Variants in TMEM132D observed in about 807,000 individuals in gnomAD.
TMEM132D encodes transmembrane protein 132D.
TMEM132D carries 21 observed loss-of-function variants against 62.3 expected under a neutral mutation model. The observed-to-expected ratio is 0.34, with a 90% CI of 0.24 to 0.49. The LOEUF (loss-of-function observed/expected upper bound fraction) is 0.49, where lower values mean the gene tolerates loss of function less well. Among genes scored for constraint, TMEM132D ranks in the 20% least tolerant of loss-of-function variants. TMEM132D has a pLI of 0.99. For missense variants in TMEM132D, 1,346 were observed against 1,402.8 expected (o/e 0.96, Z 0.65); for synonymous variants, 621 against 575.6 (o/e 1.08, Z -1.13).
chr12:129,191,014 C>T (rs1031247064), intron 5 of TMEM132D, among the ~76,000 whole-genome samples: 3 of 152,162 alleles, frequency 2.0e-5, no homozygotes, highest in South Asian at 2.1e-4. Context: ...CTTCCAGACC[C>T]GGCTCCAGAC....
chr12:129,338,384 G>A (rs1002614245), intron 3 of TMEM132D, among the ~76,000 whole-genome samples: 2 of 152,194 alleles, frequency 1.3e-5, no homozygotes, highest in East Asian at 1.9e-4. Flanking sequence ...CAGATATTAC[G>A]TGGAGATGGG....
intron 1 of TMEM132D, among the ~76,000 whole-genome samples, chr12:129,748,350 G>GA (rs1869885138): frequency 6.6e-6 from 1 of 152,196 alleles, no homozygotes; most frequent in Non-Finnish European, 1.5e-5. Flanking sequence ...AATTTGGACG[G>GA]AGAATGAGAC....
At chr12:129,769,263 T>A (rs1440306103) in intron 1 of TMEM132D, among the ~76,000 whole-genome samples, 3 of 152,082 alleles carry the variant, frequency 2.0e-5, no homozygotes, top group Non-Finnish European at 4.4e-5. Flanking sequence ...GACTCACAGT[T>A]CCACATGGCT....
At chr12:129,537,733 G>A (rs1042177408) in intron 2 of TMEM132D, among the ~76,000 whole-genome samples, 8 of 152,212 alleles carry the variant, frequency 5.3e-5, no homozygotes, top group African/African-American at 1.9e-4. Flanking sequence ...AAGAGGAATT[G>A]GTTCACAGAA....
intron 1 of TMEM132D, among the ~76,000 whole-genome samples, chr12:129,882,137 T>C (rs933782205): frequency 4.6e-5 from 7 of 152,054 alleles, no homozygotes; most frequent in Non-Finnish European, 2.9e-5. Flanking sequence ...TACAATTTAA[T>C]AGCTTCTGAA....
chr12:129,435,697 C>T (rs1460969647), intron 3 of TMEM132D, among the ~76,000 whole-genome samples: 1 of 152,196 alleles, frequency 6.6e-6, no homozygotes, highest in African/African-American at 2.4e-5. Context: ...ATTCTCCATG[C>T]TTCTTAACCT....
chr12:129,210,024 T>C, intron 4 of TMEM132D: 1 of 191,740 alleles, frequency 5.2e-6, no homozygotes, highest in Non-Finnish European at 1.1e-5. Context: ...ACAAACATTC[T>C]TCTTCTTCCC....
At chr12:129,501,986 C>T (rs117042396) in intron 3 of TMEM132D, among the ~76,000 whole-genome samples, 129 of 142,048 alleles carry the variant, frequency 9.1e-4, no homozygotes, top group Non-Finnish European at 1.6e-3. Context: ...ATACCCATTC[C>T]CAATTTCTGT....
intron 1 of TMEM132D, chr12:129,853,670 A>G (rs992348932): frequency 2.6e-5 from 4 of 152,122 alleles, no homozygotes; most frequent in Non-Finnish European, 5.9e-5. Flanking sequence ...TGTAGGGCCA[A>G]CGTGCTCTCT....
chr12:129,637,829 AG>A (rs1029933968), intron 2 of TMEM132D, among the ~76,000 whole-genome samples: 1 of 152,048 alleles, frequency 6.6e-6, no homozygotes, highest in African/African-American at 2.4e-5. Context: ...CAGGGGGCGG[AG>A]GTGCCACATA....
chr12:129,708,263 T>C lies in TMEM132D; in HGVS notation c.80-7565A>G, dbSNP rs897790148. On this transcript the variant is annotated intron_variant, in intron 1 of 8. Coordinates refer to ENST00000422113, the MANE Select transcript of TMEM132D (RefSeq NM_133448.3). ...AAAACAGGGTGAGAGGATAAAAAGTTATCTAGCCAATCAAATAAGCTGAAG... is the reference window on the plus strand; with the variant it reads ...AAAACAGGGTGAGAGGATAAAAAGTCATCTAGCCAATCAAATAAGCTGAAG... Among the ~76,000 whole-genome samples the C allele has an allele frequency of 5.9e-5, 9 of 152,058 alleles. 1 individual carries two copies. In the East Asian group the frequency reaches 1.7e-3, roughly 29 times the overall value.
rs555683194 is a variant in TMEM132D at position 129,867,065 on chromosome 12, C to T, written c.79+36196G>A. Among the ~76,000 whole-genome samples the T allele has an allele frequency of 1.2e-4, 18 of 147,560 alleles. No homozygotes were observed. The highest frequency in any genetic ancestry group is 2.0e-4 in the East Asian group (1 of 5,038). ...GAGTTGGAGACCAGACTGGGCAACACGGAAAAACCCCAAAACCCTGTCTCT... is the reference window on the plus strand; with the variant it reads ...GAGTTGGAGACCAGACTGGGCAACATGGAAAAACCCCAAAACCCTGTCTCT... On this transcript the variant is annotated intron_variant, in intron 1 of 8. Coordinates refer to ENST00000422113, the MANE Select transcript of TMEM132D (RefSeq NM_133448.3). The surrounding 1 kb of genome is among the most constrained non-coding windows in gnomAD (Gnocchi z 4.5).
intron 4 of TMEM132D, among the ~76,000 whole-genome samples, chr12:129,222,449 C>T (rs187078890): frequency 6.6e-6 from 1 of 152,268 alleles, no homozygotes; most frequent in East Asian, 1.9e-4. Context: ...AAAGGTCTTC[C>T]CCCATATATC....
chr12:129,761,865 T>A (rs79248578), intron 1 of TMEM132D, among the ~76,000 whole-genome samples: 1 of 152,270 alleles, frequency 6.6e-6, no homozygotes, highest in South Asian at 2.1e-4. Context: ...ACCAGATTGT[T>A]TAATTCTCCT....
intron 5 of TMEM132D, among the ~76,000 whole-genome samples, chr12:129,122,186 A>C (rs1381912388): frequency 1.3e-5 from 2 of 152,234 alleles, no homozygotes; most frequent in Non-Finnish European, 2.9e-5. Context: ...CATGTGGGCC[A>C]CACGGCCTAC....
intron 5 of TMEM132D, among the ~76,000 whole-genome samples, chr12:129,167,560 G>C (rs1479480527): frequency 6.6e-6 from 1 of 152,020 alleles, no homozygotes; most frequent in Non-Finnish European, 1.5e-5. Flanking sequence ...GTCCTGGCAT[G>C]GGGTCTCCAT....
At chr12:129,417,938 CAT>C (rs1246421407) in intron 3 of TMEM132D, among the ~76,000 whole-genome samples, 3 of 152,270 alleles carry the variant, frequency 2.0e-5, no homozygotes, top group South Asian at 4.1e-4. Context: ...GGCCAAGAAA[CAT>C]ATGAAAAAAA....
rs1285842225 is a variant in TMEM132D, at chr12:129,432,251, TTGGATGGATGGAAGGA to T, written c.1116-94450_1116-94435del. On this transcript the variant is annotated intron_variant, in intron 3 of 8. Coordinates refer to ENST00000422113, the MANE Select transcript of TMEM132D (RefSeq NM_133448.3). ...GATGGATGGATGGATGGATGGTTGC[TTGGATGGATGGAAGGA>T]TGGATGGATCAATGGATGGATGCTT... is the stretch of plus-strand genomic sequence containing the variant. 3.6e-5 allele frequency among the ~76,000 whole-genome samples: 5 copies of T among 138,046 alleles called. No individual in the cohort carries two copies. The East Asian group carries it at 1.1e-3, about 29-fold the overall frequency. The allele number at this position is 138,046 out of a possible 152,430, so 90.6% of individuals were successfully genotyped here.
intron 4 of TMEM132D, among the ~76,000 whole-genome samples, chr12:129,295,050 G>C (rs775743545): frequency 2.6e-5 from 4 of 152,108 alleles, no homozygotes; most frequent in Non-Finnish European, 5.9e-5. Context: ...TCCATAATGT[G>C]GGTGGGCCTC....
Sources: gnomAD v4.1 joint callset for allele counts (sites outside exome capture counted in the v4.1 genomes callset) on GRCh38, gnomAD v4.1.1 for gene constraint, Gnocchi (gnomAD v3.1) non-coding constraint, MANE v1.5 for transcripts, NCBI Gene and HGNC (gene_info 2026-07-23, HGNC 2026-07-21) for gene names.